Variants in MBD5 observed in about 807,000 individuals in gnomAD.
MBD5 encodes methyl-CpG binding domain protein 5.
In MBD5, 13 loss-of-function variants were observed where a neutral mutation model predicts 117.3. The observed-to-expected ratio is 0.11, with a 90% CI of 0.07 to 0.18. MBD5 has a LOEUF of 0.18. MBD5 is among the 10% of genes least tolerant of loss of function. MBD5 has a pLI of 1.00. For synonymous variants in MBD5, 727 were observed against 766.4 expected, an observed-to-expected ratio of 0.95 and a Z score of 0.85; for missense variants, 1,879 against 2,093.8, an observed-to-expected ratio of 0.90 and a Z score of 2.00.
At chr2:148,160,298 T>G (rs2105739720) in intron 1 of MBD5, among the ~76,000 whole-genome samples, 1 of 152,206 alleles carries the variant, frequency 6.6e-6, no homozygotes, top group South Asian at 2.1e-4. Context: ...CTTGGGAGGC[T>G]TAGGCAGGAG....
At chr2:148,217,172 G>A (rs1271570708) in intron 2 of MBD5, among the ~76,000 whole-genome samples, 2 of 152,152 alleles carry the variant, frequency 1.3e-5, no homozygotes, top group Non-Finnish European at 2.9e-5. Flanking sequence ...TTCTGTGATG[G>A]GGCTACGGTA....
chr2:148,382,913 CAA>C (rs1190763967), intron 4 of MBD5, among the ~76,000 whole-genome samples: 1 of 150,980 alleles, frequency 6.6e-6, no homozygotes, highest in East Asian at 1.9e-4. Context: ...CCAATGAGAA[CAA>C]AGACACAACA....
intron 2 of MBD5, among the ~76,000 whole-genome samples, chr2:148,214,782 G>A (rs903954351): frequency 2.0e-5 from 3 of 152,146 alleles, no homozygotes; most frequent in Non-Finnish European, 4.4e-5. Context: ...AATAAAACCA[G>A]GAGATGTGAA....
intron 4 of MBD5, among the ~76,000 whole-genome samples, chr2:148,389,525 T>C (rs1229640802): frequency 6.6e-6 from 1 of 151,780 alleles, no homozygotes; most frequent in Admixed American, 6.6e-5. Flanking sequence ...TCTATAGGAA[T>C]TGAAGTAATT....
intron 4 of MBD5, among the ~76,000 whole-genome samples, chr2:148,365,639 AG>A (rs906103467): frequency 1.3e-5 from 2 of 152,206 alleles, no homozygotes; most frequent in Admixed American, 6.5e-5. Flanking sequence ...AAAATGATAA[AG>A]GGGCTATCAC....
At chr2:148,069,933 A>G (rs1305088012) in intron 1 of MBD5, among the ~76,000 whole-genome samples, 2 of 152,148 alleles carry the variant, frequency 1.3e-5, no homozygotes, top group Non-Finnish European at 1.5e-5. Context: ...TTATCATGTC[A>G]ATGTGTGGGG....
chr2:148,097,697 C>T (rs1039821781), intron 1 of MBD5, among the ~76,000 whole-genome samples: 2 of 152,088 alleles, frequency 1.3e-5, no homozygotes, highest in African/African-American at 2.4e-5. Flanking sequence ...GCAATGTAGA[C>T]GAGGTACATT....
At chr2:148,326,977 G>A (rs1253013453) in intron 3 of MBD5, among the ~76,000 whole-genome samples, 1 of 151,624 alleles carries the variant, frequency 6.6e-6, no homozygotes, top group Non-Finnish European at 1.5e-5. Context: ...GCTGGTACCG[G>A]TTGTTCCTTT....
chr2:148,226,504 G>C (rs1023018964), intron 2 of MBD5, among the ~76,000 whole-genome samples: 4 of 152,126 alleles, frequency 2.6e-5, no homozygotes, highest in African/African-American at 9.7e-5. Flanking sequence ...TCTTAATCCA[G>C]TCTACCATTG....
intron 2 of MBD5, chr2:148,220,023 A>G (rs746643307): frequency 6.6e-6 from 1 of 152,162 alleles, no homozygotes; most frequent in Non-Finnish European, 1.5e-5. Context: ...GGATAGATGA[A>G]TAATAAATAG....
intron 2 of MBD5, among the ~76,000 whole-genome samples, chr2:148,227,293 A>G (rs1468972550): frequency 6.6e-6 from 1 of 152,120 alleles, no homozygotes; most frequent in African/African-American, 2.4e-5. Flanking sequence ...TTTTTGTATA[A>G]GGTGTAAGGA....
chr2:148,431,646 TAC>T (rs1705988970), intron 4 of MBD5, among the ~76,000 whole-genome samples: 1 of 152,160 alleles, frequency 6.6e-6, no homozygotes. Context: ...GCATTTGGTT[TAC>T]TCTTTCTGTA....
intron 8 of MBD5, among the ~76,000 whole-genome samples, chr2:148,482,355 G>T (rs1681184168): frequency 6.6e-6 from 1 of 152,048 alleles, no homozygotes; most frequent in Admixed American, 6.6e-5. Flanking sequence ...TATCATACAT[G>T]ATACTAATAA....
chr2:148,036,523 A>G (rs1276988129), intron 1 of MBD5, among the ~76,000 whole-genome samples: 1 of 152,126 alleles, frequency 6.6e-6, no homozygotes, highest in Non-Finnish European at 1.5e-5. Flanking sequence ...GGGTGTAGAC[A>G]ATTAAAGTTA....
chr2:148,096,975 G>A (rs2105269896), intron 1 of MBD5, among the ~76,000 whole-genome samples: 1 of 152,190 alleles, frequency 6.6e-6, no homozygotes, highest in Non-Finnish European at 1.5e-5. Flanking sequence ...AAGTTGAACA[G>A]GGATAGAAAC....
chr2:148,052,207 T>G lies in MBD5; in HGVS notation c.-925+30523T>G, dbSNP rs13001991. On this transcript the variant is annotated intron_variant, in intron 1 of 13. Transcript: ENST00000642680. ...CTTATGGTATAAGACTGTTATTGAG[T>G]TTTTTTTTTTTTTTTTTTTTGAGAT... Among the ~76,000 whole-genome samples, 5 of 43,714 alleles carry G rather than the reference T, an allele frequency of 1.1e-4. No individual in the cohort carries two copies. The South Asian group carries it at 2.0e-3, about 18-fold the overall frequency. 28.7% of individuals were successfully genotyped at this position (43,714 alleles called of 152,430 possible). A position where few individuals can be genotyped will look rare whatever the true frequency, so the allele number is the denominator to read the frequency against.
chr2:148,092,813 TAAA>T lies in MBD5; in HGVS notation c.-925+71142_-925+71144del, dbSNP rs35292744. On this transcript the variant is annotated intron_variant, in intron 1 of 13. Transcript: ENST00000642680. Reference sequence around the variant, plus strand: ...CCTGTTCCCCCAAAACTTTTGAAATTAAAAAAAAAAAAAAATTTAAACAAAACA... The same window carrying T: ...CCTGTTCCCCCAAAACTTTTGAAATTAAAAAAAAAAAATTTAAACAAAACA... 4.9e-3 allele frequency among the ~76,000 whole-genome samples: 736 copies of T among 149,230 alleles called. 11 individuals carry two copies. Among genetic ancestry groups the T allele is most frequent in the African/African-American group, 0.015 (597 of 40,726 alleles).
rs1682317032 is a variant in MBD5, at chr2:148,515,074, A to G, written c.*2133A>G. On this transcript the variant is annotated 3_prime_UTR_variant, in exon 14 of 14. Transcript: ENST00000642680. ...TGTGGCTAGTATGTTTAAACCATTA[A>G]TGTCCATTTTTTTTGCACCAACCTG... 1 of 152,078 alleles carries G rather than the reference A, an allele frequency of 6.6e-6. No homozygotes were observed. The highest frequency in any genetic ancestry group is 1.5e-5 in the Non-Finnish European group (1 of 67,992). The allele number at this position is 152,078 out of a possible 1,614,324, so 9.4% of individuals were successfully genotyped here.
At chr2:148,302,017 TG>T (rs887553858) in intron 3 of MBD5, among the ~76,000 whole-genome samples, 5 of 152,174 alleles carry the variant, frequency 3.3e-5, no homozygotes, top group Admixed American at 6.5e-5. Flanking sequence ...CTGACATTCT[TG>T]GTTGGGAATG....
Sources: gnomAD v4.1 joint callset for allele counts (sites outside exome capture counted in the v4.1 genomes callset) on GRCh38, gnomAD v4.1.1 for gene constraint, MANE v1.5 for transcripts, NCBI Gene and HGNC (gene_info 2026-07-23, HGNC 2026-07-21) for gene names.